Variants in RUNX1T1 observed in about 807,000 individuals in gnomAD.
RUNX1T1 encodes the protein RUNX1 partner transcriptional co-repressor 1, also known as protein CBFA2T1.
RUNX1T1 carries 4 observed loss-of-function variants against 62.8 expected under a neutral mutation model. That is an observed-to-expected ratio of 0.06 (90% CI 0.03 to 0.15). The LOEUF is 0.15. RUNX1T1 is among the 10% of genes least tolerant of loss of function. RUNX1T1 has a pLI of 1.00. For synonymous variants in RUNX1T1, 291 were observed against 286.0 expected (o/e 1.02, Z -0.18); for missense variants, 508 against 754.3 (o/e 0.67, Z 3.82).
intron 1 of RUNX1T1, among the ~76,000 whole-genome samples, chr8:92,041,824 T>G (rs1461916858): frequency 6.6e-6 from 1 of 151,666 alleles, no homozygotes; most frequent in Non-Finnish European, 1.5e-5. Flanking sequence ...GGTGGGTTTT[T>G]TTTTTTTTTT....
chr8:91,971,691 A>G (rs1812862026), intron 9 of RUNX1T1, among the ~76,000 whole-genome samples: 1 of 152,186 alleles, frequency 6.6e-6, no homozygotes, highest in African/African-American at 2.4e-5. Context: ...CCAAATATAT[A>G]CAGTGGTTTT....
intron 1 of RUNX1T1, chr8:92,095,311 C>G (rs1405073287): frequency 1.3e-6 from 2 of 1,526,022 alleles, no homozygotes; most frequent in Non-Finnish European, 1.8e-6. Context: ...CCTCCTTCCT[C>G]CCTGCTCGCC....
chr8:92,054,948 T>C (rs970732461), intron 1 of RUNX1T1, among the ~76,000 whole-genome samples: 1 of 152,116 alleles, frequency 6.6e-6, no homozygotes, highest in Non-Finnish European at 1.5e-5. Flanking sequence ...GAGGTTGCAG[T>C]GAGCCAAGAT....
rs554467617 is a variant in RUNX1T1 at position 92,006,952 on chromosome 8, C to T, written c.478-1655G>A. On this transcript the variant is annotated intron_variant, in intron 4 of 10. Transcript: ENST00000396218. ...CTAGGATATTTGCTAAAGATAAATG[C>T]ATGCCATACACTGTAACAATGGAAA... Among the ~76,000 whole-genome samples, 58 of 152,174 alleles carry T rather than the reference C, an allele frequency of 3.8e-4. 1 individual carries two copies. Among genetic ancestry groups the T allele is most frequent in the South Asian group, 1.7e-3 (8 of 4,822 alleles).
intron 4 of RUNX1T1, 182 bp from the exon 6 acceptor site, chr8:92,005,479 G>A (rs535707016): frequency 2.7e-5 from 15 of 562,980 alleles, no homozygotes; most frequent in African/African-American, 2.5e-4. Flanking sequence ...TGCGCAGATT[G>A]CCCTAAGTGT....
chr8:91,979,691 G>C lies in RUNX1T1; in HGVS notation c.1199-3718C>G, dbSNP rs1326802955. The C allele has an allele frequency of 3.3e-5, 12 of 364,584 alleles. No individual in the cohort carries two copies. The Admixed American group carries it at 4.0e-4, about 12-fold the overall frequency. 22.6% of individuals were successfully genotyped at this position (364,584 alleles called of 1,614,324 possible). A position where few individuals can be genotyped will look rare whatever the true frequency, so the allele number is the denominator to read the frequency against. ...TATGAAGAGAGGAGACCAGGTCAGA[G>C]TGACAGAAAATGGTGTAAGAAATGT... On this transcript the variant is annotated intron_variant, in intron 8 of 10. Coordinates refer to ENST00000396218, the Ensembl canonical transcript of RUNX1T1.
intron 8 of RUNX1T1, 88 bp from the exon 10 acceptor site, chr8:91,976,061 C>A: frequency 1.1e-6 from 1 of 899,510 alleles, no homozygotes; most frequent in Non-Finnish European, 1.8e-6. Flanking sequence ...GTAAGCAATG[C>A]CCATTCTCCT....
intron 2 of RUNX1T1, among the ~76,000 whole-genome samples, chr8:92,068,771 A>G (rs1437958442): frequency 3.3e-5 from 5 of 152,182 alleles, no homozygotes; most frequent in Admixed American, 1.3e-4. Flanking sequence ...TAAGATTTTC[A>G]GAGAAAGCAA....
intron 1 of RUNX1T1, among the ~76,000 whole-genome samples, chr8:92,044,425 T>C (rs929113446): frequency 2.6e-5 from 4 of 152,138 alleles, no homozygotes; most frequent in African/African-American, 9.7e-5. Context: ...GGTGCATCTA[T>C]GGTAAAAAAT....
At position 92,028,244 on chromosome 8, in the gene RUNX1T1, G is replaced by A. The variant is rs1308234645; in HGVS notation, c.8-10881C>T. On this transcript the variant is annotated intron_variant, in intron 1 of 10. Transcript: ENST00000396218. ...ATCACTATTTTAATCAAATAACTTA[G>A]CTGTTTGAAACAAATCCTTAAGACA... 1.4e-5 allele frequency among the ~76,000 whole-genome samples: 2 copies of A among 147,772 alleles called. 1 individual carries two copies. The highest frequency in any genetic ancestry group is 6.6e-3 in the Middle Eastern group (2 of 304).
intron 5 of RUNX1T1, among the ~76,000 whole-genome samples, chr8:92,000,438 GAATA>G (rs1381224222): frequency 3.3e-5 from 5 of 152,142 alleles, no homozygotes; most frequent in African/African-American, 1.2e-4. Flanking sequence ...ACACAAACTA[GAATA>G]AATAAATGTG....
At chr8:91,969,917 A>G (rs1347777644) in intron 10 of RUNX1T1, among the ~76,000 whole-genome samples, 1 of 151,944 alleles carries the variant, frequency 6.6e-6, no homozygotes, top group Non-Finnish European at 1.5e-5. Flanking sequence ...ATTAACGTGG[A>G]GCATTACTAT....
At chr8:91,986,031 T>C in intron 8 of RUNX1T1, 93 bp downstream of exon 9, 5 of 888,130 alleles carry the variant, frequency 5.6e-6, no homozygotes, top group Non-Finnish European at 7.5e-6. Flanking sequence ...TAAAATTCCT[T>C]GCATATCCTT....
In RUNX1T1 at chr8:92,005,499, G is replaced by A. The variant is rs115481468; in HGVS notation, c.478-202C>T. The A allele has an allele frequency of 2.7e-3, 1,448 of 537,144 alleles. 14 individuals carry two copies. Among genetic ancestry groups the A allele is most frequent in the African/African-American group, 0.026 (1,342 of 50,772 alleles). The allele number at this position is 537,144 out of a possible 1,614,324, so 33.3% of individuals were successfully genotyped here. A position where few individuals can be genotyped will look rare whatever the true frequency, so the allele number is the denominator to read the frequency against. ...AGATTGCCCTAAGTGTGAGGTGACTGACCCTTGTACATCACTTTACCTCTC... is the reference window on the plus strand; with the variant it reads ...AGATTGCCCTAAGTGTGAGGTGACTAACCCTTGTACATCACTTTACCTCTC... On this transcript the variant is annotated intron_variant, in intron 4 of 10. Transcript: ENST00000396218.
At chr8:92,060,982 G>A (rs1481721357) in intron 1 of RUNX1T1, among the ~76,000 whole-genome samples, 1 of 151,972 alleles carries the variant, frequency 6.6e-6, no homozygotes, top group Admixed American at 6.6e-5. Flanking sequence ...TATTGCTGTA[G>A]AACCAGATGT....
chr8:92,053,983 G>T (rs1222330556), intron 1 of RUNX1T1, among the ~76,000 whole-genome samples: 2 of 151,874 alleles, frequency 1.3e-5, no homozygotes, highest in Non-Finnish European at 2.9e-5. Context: ...GGAGTAAAAG[G>T]TTATACAGAA....
At chr8:92,010,874 T>C (rs1821789782) in intron 4 of RUNX1T1, 128 bp downstream of exon 5, 2 of 571,928 alleles carry the variant, frequency 3.5e-6, no homozygotes, top group South Asian at 5.4e-5. Flanking sequence ...ATAAATACAA[T>C]CGATTCAGAT....
chr8:92,072,321 T>C (rs745557384), intron 2 of RUNX1T1, among the ~76,000 whole-genome samples: 17 of 152,206 alleles, frequency 1.1e-4, no homozygotes, highest in Non-Finnish European at 1.9e-4. Flanking sequence ...ATCTGGTTTA[T>C]TATGTTTCAC....
chr8:91,968,530 T>G lies in RUNX1T1; in HGVS notation c.1458+2128A>C, dbSNP rs563152759. On this transcript the variant is annotated intron_variant, in intron 10 of 10. Coordinates refer to ENST00000396218, the Ensembl canonical transcript of RUNX1T1. ...GATCTTTTTTTCCATCTTTCTTTCT[T>G]CTATTCTTGGGAAATTATTTACAGC... Among the ~76,000 whole-genome samples, 5 of 152,304 alleles carry G rather than the reference T, an allele frequency of 3.3e-5. No individual in the cohort carries two copies. In the South Asian group the frequency reaches 1.0e-3, roughly 32 times the overall value.
Sources: allele counts gnomAD v4.1 joint callset (sites outside exome capture counted in the v4.1 genomes callset), GRCh38; gene constraint gnomAD v4.1.1; transcripts MANE v1.5; gene names NCBI Gene and HGNC (gene_info 2026-07-23, HGNC 2026-07-21).